DLG1: variants seen among roughly 807,000 people sequenced by gnomAD.
DLG1 encodes the protein discs large MAGUK scaffold protein 1.
A neutral mutation model predicts 123.4 loss-of-function variants in DLG1; 42 were observed. That is an observed-to-expected ratio of 0.34 (90% CI 0.27 to 0.44). The LOEUF (loss-of-function observed/expected upper bound fraction) is 0.44. DLG1 is among the 20% of genes least tolerant of loss of function. The pLI is 1.00. For missense variants in DLG1, 942 were observed against 1,082.6 expected (o/e 0.87, Z 1.82); for synonymous variants, 317 against 356.2 (o/e 0.89, Z 1.24).
chr3:197,088,228 T>C (rs1178056253), intron 15 of DLG1, among the ~76,000 whole-genome samples: 3 of 151,916 alleles, frequency 2.0e-5, no homozygotes, highest in Non-Finnish European at 2.9e-5. Context: ...GAATGCCTTA[T>C]ATAAAACACT....
intron 5 of DLG1, among the ~76,000 whole-genome samples, chr3:197,184,802 A>G (rs1490226357): frequency 1.3e-5 from 2 of 152,224 alleles, no homozygotes; most frequent in African/African-American, 4.8e-5. Context: ...CTACATAAAT[A>G]CCACTCTGGT....
chr3:197,161,490 C>A, intron 5 of DLG1: 1 of 446,658 alleles, frequency 2.2e-6, no homozygotes, highest in Non-Finnish European at 3.9e-6. Flanking sequence ...ATATTAAATC[C>A]CAAATGTTTA....
At chr3:197,284,342 CTA>C (rs1280153938) in intron 3 of DLG1, among the ~76,000 whole-genome samples, 2 of 152,106 alleles carry the variant, frequency 1.3e-5, no homozygotes, top group African/African-American at 4.8e-5. Context: ...ACACATCACA[CTA>C]TGTAAAACAA....
At chr3:197,244,634 C>T (rs955259964) in intron 4 of DLG1, among the ~76,000 whole-genome samples, 1 of 151,066 alleles carries the variant, frequency 6.6e-6, no homozygotes, top group Non-Finnish European at 1.5e-5. Flanking sequence ...GAATTGGTCT[C>T]GGAACAATAG....
chr3:197,138,178 C>A (rs1786063892), intron 9 of DLG1, 44 bp downstream of exon 9: 1 of 1,262,266 alleles, frequency 7.9e-7, no homozygotes, highest in East Asian at 2.7e-5. Context: ...ATATTTAACT[C>A]AGAGATTTCT....
intron 4 of DLG1, among the ~76,000 whole-genome samples, chr3:197,233,569 G>A (rs903093197): frequency 3.3e-5 from 5 of 152,206 alleles, no homozygotes; most frequent in African/African-American, 1.2e-4. Context: ...ATTTTTGGTA[G>A]AGACGGGGTT....
intron 5 of DLG1, among the ~76,000 whole-genome samples, chr3:197,170,880 T>A (rs921365073): frequency 6.6e-6 from 1 of 152,216 alleles, no homozygotes; most frequent in Admixed American, 6.5e-5. Flanking sequence ...CACATTTAAG[T>A]CTTTAATCTA....
chr3:197,090,086 A>G (rs1331347415), intron 15 of DLG1, among the ~76,000 whole-genome samples: 1 of 152,218 alleles, frequency 6.6e-6, no homozygotes, highest in Non-Finnish European at 1.5e-5. Flanking sequence ...TATATGTAAC[A>G]TATCTCTCTC....
chr3:197,244,722 C>A (rs1750756411), intron 4 of DLG1, among the ~76,000 whole-genome samples: 1 of 151,634 alleles, frequency 6.6e-6, no homozygotes, highest in African/African-American at 2.4e-5. Flanking sequence ...GTTTGGACTG[C>A]AGTCTTGGTG....
chr3:197,128,406 T>G (rs553970030), intron 11 of DLG1, among the ~76,000 whole-genome samples: 1 of 152,308 alleles, frequency 6.6e-6, no homozygotes, highest in African/African-American at 2.4e-5. Flanking sequence ...CCACTTCTAA[T>G]TCTAGTTCTC....
intron 11 of DLG1, among the ~76,000 whole-genome samples, chr3:197,124,640 A>T (rs879928020): frequency 6.6e-6 from 1 of 152,140 alleles, no homozygotes; most frequent in Non-Finnish European, 1.5e-5. Context: ...CACAGGTGCA[A>T]TAATAGTGCA....
chr3:197,194,849 T>C lies in DLG1; in HGVS notation c.319-260A>G, dbSNP rs528832155. 4.6e-5 allele frequency among the ~76,000 whole-genome samples: 7 copies of C among 152,276 alleles called. No homozygotes were observed. The South Asian group carries it at 1.2e-3, about 27-fold the overall frequency. ...TATTGATTGCTCATTTCTTACCCAA[T>C]GTTAACTGAATCATGTATCTCTAAG... On this transcript the variant is annotated intron_variant, in intron 4 of 24. Coordinates refer to ENST00000667157, the MANE Select transcript of DLG1 (RefSeq NM_001366207.1).
At chr3:197,202,325 G>C (rs535838216) in intron 4 of DLG1, among the ~76,000 whole-genome samples, 1 of 152,156 alleles carries the variant, frequency 6.6e-6, no homozygotes, top group East Asian at 1.9e-4. Flanking sequence ...TATAGAACCT[G>C]AAAACACAAG....
intron 5 of DLG1, among the ~76,000 whole-genome samples, chr3:197,188,978 G>A (rs560374990): frequency 3.9e-5 from 6 of 152,108 alleles, no homozygotes; most frequent in African/African-American, 7.2e-5. Flanking sequence ...ATTATTTTAC[G>A]TGGCATCTGC....
At chr3:197,052,484 C>CA (rs1728589171) in intron 23 of DLG1, among the ~76,000 whole-genome samples, 1 of 151,812 alleles carries the variant, frequency 6.6e-6, no homozygotes, top group African/African-American at 2.4e-5. Flanking sequence ...AATAAATAAA[C>CA]AAAAATAAAA....
At chr3:197,049,310 G>A (rs897262606) in intron 24 of DLG1, among the ~76,000 whole-genome samples, 1 of 147,338 alleles carries the variant, frequency 6.8e-6, no homozygotes, top group African/African-American at 2.4e-5. Context: ...GTGAGACTCT[G>A]TCTCAAAACA....
chr3:197,269,605 T>C (rs752536154), intron 4 of DLG1, among the ~76,000 whole-genome samples: 2 of 152,218 alleles, frequency 1.3e-5, no homozygotes, highest in Non-Finnish European at 2.9e-5. Context: ...AGTTTTTCTA[T>C]AGGTTAATAC....
At chr3:197,276,482 T>C (rs1302680144) in intron 4 of DLG1, among the ~76,000 whole-genome samples, 1 of 152,240 alleles carries the variant, frequency 6.6e-6, no homozygotes, top group Non-Finnish European at 1.5e-5. Context: ...TTGCTGTCAA[T>C]GTAATTTGCA....
At chr3:197,264,041 T>A (rs747600727) in intron 4 of DLG1, among the ~76,000 whole-genome samples, 1 of 152,194 alleles carries the variant, frequency 6.6e-6, no homozygotes, top group Non-Finnish European at 1.5e-5. Flanking sequence ...AATAGTCAAA[T>A]ATCCAAATTA....
Sources: gnomAD v4.1 joint callset for allele counts (sites outside exome capture counted in the v4.1 genomes callset) on GRCh38, gnomAD v4.1.1 for gene constraint, MANE v1.5 for transcripts, NCBI Gene and HGNC (gene_info 2026-07-23, HGNC 2026-07-21) for gene names.